HCN4: variants seen among roughly 807,000 people sequenced by gnomAD.
The protein encoded by HCN4 is hyperpolarization activated cyclic nucleotide gated potassium channel 4.
Under a neutral mutation model 76.9 loss-of-function variants are expected in HCN4, and 29 were observed. The observed-to-expected ratio is 0.38, with a 90% confidence interval of 0.28 to 0.51. The LOEUF (loss-of-function observed/expected upper bound fraction) is 0.51. Among genes scored for constraint, HCN4 ranks in the 20% least tolerant of loss-of-function variants. HCN4 has a pLI of 0.90. For synonymous variants in HCN4, 772 were observed against 762.5 expected (o/e 1.01, Z -0.21); for missense variants, 1,416 against 1,715.2 (o/e 0.83, Z 3.08).
At position 73,368,655 on chromosome 15, in the gene HCN4, G is replaced by A. The variant is rs1323812240; in HGVS notation, c.-385C>T. Reference sequence around the variant, plus strand: ...CCGCGGCGCTCAGGGAACCGCTCCGGAGTGCAGAGCGCACGGCCCGCGCGG... The same window carrying A: ...CCGCGGCGCTCAGGGAACCGCTCCGAAGTGCAGAGCGCACGGCCCGCGCGG... On this transcript the variant is annotated 5_prime_UTR_variant, in exon 1 of 8. Transcript: ENST00000261917. This position sits in a 1 kb window ranked among gnomAD's most constrained non-coding sequence, Gnocchi z 6.9. 6.4e-6 allele frequency: 1 copy of A among 155,716 alleles called. No individual in the cohort carries two copies. Among genetic ancestry groups the A allele is most frequent in the East Asian group, 1.9e-4 (1 of 5,282 alleles). The allele number at this position is 155,716 out of a possible 1,614,324, so 9.6% of individuals were successfully genotyped here. A position where few individuals can be genotyped will look rare whatever the true frequency, so the allele number is the denominator to read the frequency against.
At chr15:73,351,802 A>G (rs562744105) in intron 1 of HCN4, among the ~76,000 whole-genome samples, 59 of 152,098 alleles carry the variant, frequency 3.9e-4, no homozygotes, top group African/African-American at 1.3e-3. Flanking sequence ...CCTGGCCTGG[A>G]CTCTGCCTCC....
intron 2 of HCN4, among the ~76,000 whole-genome samples, chr15:73,336,736 C>T (rs112515238): frequency 0.05 from 7,601 of 152,132 alleles, 295 homozygotes; most frequent in Non-Finnish European, 0.057. Context: ...CAATATGACC[C>T]CAATCTAAAC....
chr15:73,323,527 A>C lies in HCN4; in HGVS notation c.2566T>G (p.Ser856Ala). Reference sequence around the variant, plus strand: ...CCAGCCAGCTGTTGGATGTGGAAGGAGGATGAAGACGGTGTGTCCACCTGG... The same window carrying C: ...CCAGCCAGCTGTTGGATGTGGAAGGCGGATGAAGACGGTGTGTCCACCTGG... ...PSQVDTPSSS[S>A]FHIQQLAGFS... Residue 856 changes from serine to alanine, a missense_variant, in exon 8 of 8, where the codon TCC becomes GCC. Ser to Ala is a moderately conservative substitution (Grantham distance 99). Coordinates refer to ENST00000261917, the MANE Select transcript of HCN4 (RefSeq NM_005477.3). 6.2e-7 allele frequency: 1 copy of C among 1,601,306 alleles called. No homozygotes were observed. Among genetic ancestry groups the C allele is most frequent in the Non-Finnish European group, 8.5e-7 (1 of 1,179,840 alleles).
At chr15:73,349,668 C>CTAGG (rs1359314265) in intron 1 of HCN4, among the ~76,000 whole-genome samples, 7 of 152,168 alleles carry the variant, frequency 4.6e-5, no homozygotes, top group African/African-American at 1.7e-4. Flanking sequence ...CTTAAGTGAA[C>CTAGG]CCTAGTTGTG....
At chr15:73,334,697 C>G (rs2042952336) in intron 2 of HCN4, among the ~76,000 whole-genome samples, 1 of 151,862 alleles carries the variant, frequency 6.6e-6, no homozygotes, top group African/African-American at 2.4e-5. Context: ...CTCAGCCTCC[C>G]CCTCAAACAA....
At chr15:73,337,329 C>T (rs2042972698) in intron 2 of HCN4, among the ~76,000 whole-genome samples, 1 of 152,202 alleles carries the variant, frequency 6.6e-6, no homozygotes, top group African/African-American at 2.4e-5. Flanking sequence ...CCATGCTTAG[C>T]ACAAGCAGGC....
chr15:73,366,936 G>A (rs1366783006), intron 1 of HCN4, among the ~76,000 whole-genome samples: 2 of 152,222 alleles, frequency 1.3e-5, no homozygotes, highest in Non-Finnish European at 2.9e-5. Flanking sequence ...TCAGGGTTAC[G>A]GTGGGTGCAG....
chr15:73,344,197 C>A (rs2151221379), intron 1 of HCN4, among the ~76,000 whole-genome samples: 1 of 152,280 alleles, frequency 6.6e-6, no homozygotes, highest in East Asian at 1.9e-4. Context: ...CTAGGCTGCC[C>A]CATCCTCCCT....
At position 73,323,952 on chromosome 15, in the gene HCN4, G is replaced by A. The variant is rs1320902836; in HGVS notation, c.2144-3C>T. 6.2e-7 allele frequency: 1 copy of A among 1,606,210 alleles called. No homozygotes were observed. Among genetic ancestry groups the A allele is most frequent in the Non-Finnish European group, 8.5e-7 (1 of 1,179,946 alleles). On this transcript the variant is annotated splice_polypyrimidine_tract_variant and splice_region_variant and intron_variant, in intron 7 of 7. Coordinates refer to ENST00000261917, the MANE Select transcript of HCN4 (RefSeq NM_005477.3). ...GAGGAGGATGGAGTTCTTCTTGCCTGGGCCACAGAACAAGAACAGGCACTC... is the reference window on the plus strand; with the variant it reads ...GAGGAGGATGGAGTTCTTCTTGCCTAGGCCACAGAACAAGAACAGGCACTC...
chr15:73,325,106 G>T lies in HCN4; in HGVS notation c.1827C>A (p.Thr609=). The change falls in exon 6 of 8, where the codon ACC becomes ACA. Residue 609 remains threonine (T), a synonymous_variant. Coordinates refer to ENST00000261917, the MANE Select transcript of HCN4 (RefSeq NM_005477.3). The surrounding 1 kb of genome is among the most constrained non-coding windows in gnomAD (Gnocchi z 7.4). ...ADPNFVTSML[T]KLRFEVFQPG... is the part of the protein sequence containing the mutation. ...GCTGGAAGACCTCGAAACGCAGCTT[G>T]GTCAGCATGGACGTCACGAAGTTGG... 2 of 1,614,248 alleles carry T rather than the reference G, an allele frequency of 1.2e-6. No homozygotes were observed. Among genetic ancestry groups the T allele is most frequent in the Non-Finnish European group, 1.7e-6 (2 of 1,180,046 alleles).
chr15:73,339,222 G>A (rs1371744204), intron 2 of HCN4, among the ~76,000 whole-genome samples: 1 of 152,246 alleles, frequency 6.6e-6, no homozygotes, highest in East Asian at 1.9e-4. Flanking sequence ...AGGCATGGCT[G>A]GAGAGGCTCG....
chr15:73,347,749 A>G (rs2043035743), intron 1 of HCN4, among the ~76,000 whole-genome samples: 1 of 152,086 alleles, frequency 6.6e-6, no homozygotes, highest in Non-Finnish European at 1.5e-5. Flanking sequence ...CTGACAGGAA[A>G]GCAAGGGGCA....
intron 1 of HCN4, among the ~76,000 whole-genome samples, chr15:73,357,332 GGAT>G (rs1214114267): frequency 1.2e-4 from 19 of 152,138 alleles, no homozygotes; most frequent in Admixed American, 1.2e-3. Flanking sequence ...CAACCCAACA[GGAT>G]GATGATGCCC....
At chr15:73,330,891 C>T (rs974127522) in intron 3 of HCN4, among the ~76,000 whole-genome samples, 33 of 152,332 alleles carry the variant, frequency 2.2e-4, no homozygotes, top group African/African-American at 7.7e-4. Context: ...AGGCCCCCAG[C>T]GGCCTTTACT....
At chr15:73,360,252 T>G (rs2043098996) in intron 1 of HCN4, among the ~76,000 whole-genome samples, 1 of 152,212 alleles carries the variant, frequency 6.6e-6, no homozygotes, top group Admixed American at 6.5e-5. Flanking sequence ...GCTGGGAAGC[T>G]GGGGGTGGAC....
rs151004999 is a variant in HCN4 at position 73,343,504 on chromosome 15, C to T, written c.1090G>A (p.Asp364Asn). 557 of 1,614,042 alleles carry T rather than the reference C, an allele frequency of 3.5e-4. 1 individual carries two copies. Among genetic ancestry groups the T allele is most frequent in the Non-Finnish European group, 3.5e-4 (413 of 1,180,042 alleles). ...CGGGCAGTCTTGTAGACCTCCGAGT[C>T]GATGCGTGTCTCCACAATGAGGAAG... ...YIFLIVETRI[D>N]SEVYKTARAL... The change falls in exon 2 of 8, where the codon GAC becomes AAC. Residue 364 changes from aspartate (D) to asparagine (N), a missense_variant. Asp to Asn is a conservative substitution (Grantham distance 23). Coordinates refer to ENST00000261917, the MANE Select transcript of HCN4 (RefSeq NM_005477.3). The surrounding 1 kb of genome is among the most constrained non-coding windows in gnomAD (Gnocchi z 5.7).
At position 73,322,203 on chromosome 15, in the gene HCN4, G is replaced by T; in HGVS notation, c.*278C>A. The T allele has an allele frequency of 2.6e-6, 1 of 378,270 alleles. No homozygotes were observed. 23.4% of individuals were successfully genotyped at this position (378,270 alleles called of 1,614,324 possible). A position where few individuals can be genotyped will look rare whatever the true frequency, so the allele number is the denominator to read the frequency against. On this transcript the variant is annotated 3_prime_UTR_variant, in exon 8 of 8. Transcript: ENST00000261917. ...CTGCCCAGCCCCGGAGACCCCATCTGCCTTTCTCTGGCTTTTGCATTTGGG... is the reference window on the plus strand; with the variant it reads ...CTGCCCAGCCCCGGAGACCCCATCTTCCTTTCTCTGGCTTTTGCATTTGGG...
rs555267414 is a variant in HCN4, at chr15:73,367,408, G to A, written c.785+78C>T. ...AGCGCAAGGCAGGAAAGTTAACTCC[G>A]GCTGGGAGGCAGGGTCAGGAGGAGG... On this transcript the variant is annotated intron_variant, in intron 1 of 7. Coordinates refer to ENST00000261917, the MANE Select transcript of HCN4 (RefSeq NM_005477.3). The surrounding 1 kb of genome is among the most constrained non-coding windows in gnomAD (Gnocchi z 7.5). The A allele has an allele frequency of 3.4e-5, 55 of 1,601,864 alleles. 2 individuals carry two copies. In the South Asian group the frequency reaches 5.5e-4, roughly 16 times the overall value.
rs1035602817 is a variant in HCN4 at position 73,367,350 on chromosome 15, G to T, written c.785+136C>A. On this transcript the variant is annotated intron_variant, in intron 1 of 7. Coordinates refer to ENST00000261917, the MANE Select transcript of HCN4 (RefSeq NM_005477.3). This position sits in a 1 kb window ranked among gnomAD's most constrained non-coding sequence, Gnocchi z 7.5. ...GGAGGGGGCCTGGGGGTGTCTCGGA[G>T]CCTAGAGGCGCCCTGCCTCTCTTGG... The T allele has an allele frequency of 4.4e-6, 6 of 1,364,238 alleles. No individual in the cohort carries two copies. In the African/African-American group the frequency reaches 5.7e-5, roughly 13 times the overall value. 84.5% of individuals were successfully genotyped at this position (1,364,238 alleles called of 1,614,324 possible). A position where few individuals can be genotyped will look rare whatever the true frequency, so the allele number is the denominator to read the frequency against.
Sources: allele counts gnomAD v4.1 joint callset (sites outside exome capture counted in the v4.1 genomes callset), GRCh38; gene constraint gnomAD v4.1.1; non-coding constraint Gnocchi (gnomAD v3.1); transcripts MANE v1.5; gene names NCBI Gene and HGNC (gene_info 2026-07-23, HGNC 2026-07-21).